The following KIZ variants were observed in gnomAD, a reference collection of about 807,000 sequenced individuals.
KIZ encodes the protein centrosomal protein kizuna.
A neutral mutation model predicts 79.6 loss-of-function variants in KIZ; 68 were observed. The ratio of observed to expected loss-of-function variants is 0.85; its 90% CI spans 0.70 to 1.05. The LOEUF (loss-of-function observed/expected upper bound fraction) is 1.05, where lower values mean the gene tolerates loss of function less well. Among genes scored for constraint, KIZ ranks in the 50% least tolerant of loss-of-function variants. The probability of loss-of-function intolerance (pLI) is 0.00; values close to 1 mark genes in which losing one functional copy is unlikely to be tolerated. For synonymous variants in KIZ, 280 were observed against 281.8 expected (o/e 0.99, Z 0.06); for missense variants, 797 against 800.4 (o/e 1.00, Z 0.05).
At chr20:21,137,700 GA>G (rs2032277188) in intron 3 of KIZ, among the ~76,000 whole-genome samples, 1 of 151,756 alleles carries the variant, frequency 6.6e-6, no homozygotes. Context: ...CTAAGCACTT[GA>G]GCGTGGATCT....
At chr20:21,156,983 G>A (rs571481504) in intron 4 of KIZ, among the ~76,000 whole-genome samples, 10 of 152,194 alleles carry the variant, frequency 6.6e-5, no homozygotes, top group Admixed American at 1.3e-4. Context: ...GTAAAGCCAC[G>A]CATGCTGATG....
At chr20:21,204,256 C>T (rs2035719621) in intron 6 of KIZ, among the ~76,000 whole-genome samples, 1 of 149,018 alleles carries the variant, frequency 6.7e-6, no homozygotes, top group African/African-American at 2.4e-5. Context: ...GCTGGGACTA[C>T]AGGCGCCCGC....
In KIZ at chr20:21,162,381, C is replaced by CT. The variant is rs1600418325; in HGVS notation, c.916_917insT (p.Arg306LeufsTer5). On this transcript the variant is annotated frameshift_variant, in exon 5 of 13. Coordinates refer to ENST00000619189, the MANE Select transcript of KIZ (RefSeq NM_018474.6). LOFTEE classifies it high-confidence loss of function. Reference sequence around the variant, plus strand: ...CGGATCAGAGGGAGAAATACTGACACGGGAACATATTGAAGTTGAGGAAAA... The same window carrying CT: ...CGGATCAGAGGGAGAAATACTGACACTGGGAACATATTGAAGTTGAGGAAAA... 25 of 1,613,736 alleles carry CT rather than the reference C, an allele frequency of 1.5e-5. No individual in the cohort carries two copies. Among genetic ancestry groups the CT allele is most frequent in the Non-Finnish European group, 2.0e-5 (24 of 1,179,772 alleles).
At chr20:21,147,961 TTGTGTGTGTG>T (rs61333547) in intron 4 of KIZ, among the ~76,000 whole-genome samples, 112 of 141,136 alleles carry the variant, frequency 7.9e-4, no homozygotes, top group Non-Finnish European at 1.3e-3. Context: ...CTCCTGGAAT[TTGTGTGTGTG>T]TGTGTGTGTG....
At chr20:21,203,459 C>T (rs2035676525) in intron 6 of KIZ, among the ~76,000 whole-genome samples, 1 of 152,168 alleles carries the variant, frequency 6.6e-6, no homozygotes, top group South Asian at 2.1e-4. Flanking sequence ...GTTAGTGATA[C>T]TAAGACCGAT....
At chr20:21,233,650 C>T (rs1362506745) in intron 11 of KIZ, among the ~76,000 whole-genome samples, 1 of 152,086 alleles carries the variant, frequency 6.6e-6, no homozygotes, top group Non-Finnish European at 1.5e-5. Flanking sequence ...AATTTTAGAA[C>T]AGGAACTTTA....
chr20:21,150,271 C>T (rs1245397282), intron 4 of KIZ, among the ~76,000 whole-genome samples: 1 of 152,162 alleles, frequency 6.6e-6, no homozygotes, highest in Non-Finnish European at 1.5e-5. Context: ...GGGATATGGG[C>T]CCGCCCTCTC....
At chr20:21,219,032 C>T (rs1183457859) in intron 9 of KIZ, among the ~76,000 whole-genome samples, 3 of 152,064 alleles carry the variant, frequency 2.0e-5, no homozygotes, top group African/African-American at 4.8e-5. Flanking sequence ...TAAGAGAAGA[C>T]GTGGCTGAGG....
chr20:21,158,421 G>C (rs2033488267), intron 4 of KIZ: 1 of 152,204 alleles, frequency 6.6e-6, no homozygotes, highest in African/African-American at 2.4e-5. Context: ...TGTGCAGAGA[G>C]ACATACACTC....
intron 11 of KIZ, among the ~76,000 whole-genome samples, chr20:21,242,178 C>A (rs991856552): frequency 2.6e-5 from 4 of 152,154 alleles, no homozygotes; most frequent in Non-Finnish European, 5.9e-5. Flanking sequence ...GTTGGCTGCA[C>A]AAGTGGATGT....
chr20:21,197,826 C>G (rs1321622921), intron 6 of KIZ: 2 of 152,166 alleles, frequency 1.3e-5, no homozygotes, highest in Admixed American at 1.3e-4. Flanking sequence ...CCTGCAGCAT[C>G]TTTTTTATTT....
At position 21,162,046 on chromosome 20, in the gene KIZ, A is replaced by G. The variant is rs578007036; in HGVS notation, c.581A>G (p.His194Arg). ...TTTTCAATTCCTGACCCACATTCAC[A>G]CCGACAGACAGCCCAGAGCAGTAAT... ...KNFSIPDPHS[H>R]RQTAQSSNVT... Residue 194 changes from histidine (H) to arginine (R), a missense_variant, in exon 5 of 13, where the codon CAC becomes CGC. Transcript: ENST00000619189. 13 of 1,613,938 alleles carry G rather than the reference A, an allele frequency of 8.1e-6. No individual in the cohort carries two copies. The South Asian group carries it at 1.2e-4, about 15-fold the overall frequency.
chr20:21,207,832 TC>T (rs1290553291), intron 7 of KIZ, among the ~76,000 whole-genome samples: 2 of 152,068 alleles, frequency 1.3e-5, no homozygotes, highest in Non-Finnish European at 2.9e-5. Context: ...TGCCTCAGCC[TC>T]CCAAGTAGCT....
chr20:21,130,212 T>C (rs927984263), intron 1 of KIZ, among the ~76,000 whole-genome samples: 2 of 152,230 alleles, frequency 1.3e-5, no homozygotes, highest in African/African-American at 2.4e-5. Context: ...TCTTTCCCTG[T>C]CTTTCATGTT....
At chr20:21,192,197 G>A (rs1186128613) in intron 6 of KIZ, among the ~76,000 whole-genome samples, 3 of 151,160 alleles carry the variant, frequency 2.0e-5, no homozygotes, top group Admixed American at 6.6e-5. Context: ...CCACCTTTCT[G>A]AATACAAGGT....
chr20:21,201,222 A>G (rs1285763943), intron 6 of KIZ, among the ~76,000 whole-genome samples: 1 of 152,158 alleles, frequency 6.6e-6, no homozygotes, highest in East Asian at 1.9e-4. Context: ...TACTATTATC[A>G]TGTGGAAGAC....
chr20:21,217,692 A>G (rs1299930863), intron 9 of KIZ, among the ~76,000 whole-genome samples: 3 of 152,050 alleles, frequency 2.0e-5, no homozygotes, highest in Admixed American at 6.6e-5. Flanking sequence ...GCCCAATAGG[A>G]TTGTCTTAAA....
intron 7 of KIZ, among the ~76,000 whole-genome samples, chr20:21,206,793 G>A (rs1246884807): frequency 6.6e-6 from 1 of 152,170 alleles, no homozygotes; most frequent in Non-Finnish European, 1.5e-5. Flanking sequence ...GCCCTGCCCT[G>A]GTTCAGGCAA....
At chr20:21,150,506 G>T (rs1423062547) in intron 4 of KIZ, among the ~76,000 whole-genome samples, 1 of 152,250 alleles carries the variant, frequency 6.6e-6, no homozygotes, top group Non-Finnish European at 1.5e-5. Context: ...CATTCTCAAA[G>T]TTATGGCTGT....
Sources: gnomAD v4.1 joint callset for allele counts (sites outside exome capture counted in the v4.1 genomes callset) on GRCh38, gnomAD v4.1.1 for gene constraint, MANE v1.5 for transcripts, NCBI Gene and HGNC (gene_info 2026-07-23, HGNC 2026-07-21) for gene names.